The following SHANK1 variants were observed in gnomAD, a reference collection of about 807,000 sequenced individuals.
The protein encoded by SHANK1 is SH3 and multiple ankyrin repeat domains 1.
SHANK1 carries 35 observed loss-of-function variants against 165.6 expected under a neutral mutation model. The observed-to-expected ratio is 0.21, with a 90% CI of 0.16 to 0.28. The LOEUF is 0.28. Among genes scored for constraint, SHANK1 ranks in the 10% least tolerant of loss-of-function variants. The pLI is 1.00. For missense variants in SHANK1, 2,681 were observed against 3,036.4 expected (o/e 0.88, Z 2.75); for synonymous variants, 1,428 against 1,384.8 (o/e 1.03, Z -0.69).
intron 8 of SHANK1, among the ~76,000 whole-genome samples, chr19:50,707,481 TC>T (rs1202728420): frequency 6.6e-6 from 1 of 152,096 alleles, no homozygotes; most frequent in East Asian, 1.9e-4. Context: ...CAGGACAGGT[TC>T]AGAGAGGGCA....
intron 6 of SHANK1, 30 bp from the exon 7 acceptor site, chr19:50,712,144 A>G: frequency 1.3e-6 from 2 of 1,549,822 alleles, no homozygotes; most frequent in Non-Finnish European, 1.7e-6. Context: ...CCAGTAGAAA[A>G]ACACAGATGA....
At position 50,661,969 on chromosome 19, in the gene SHANK1, C is replaced by T; in HGVS notation, c.6482G>A (p.Arg2161Lys). Residue 2161 changes from arginine (R) to lysine (K), a missense_variant, in exon 24 of 24, where the codon AGG becomes AAG. Transcript: ENST00000293441. ...CTGGTCCGTCCAGGCCAGCCATCACCTCTCCAGGAAGAATTTGAGAGCCCG... is the reference window on the plus strand; with the variant it reads ...CTGGTCCGTCCAGGCCAGCCATCACTTCTCCAGGAAGAATTTGAGAGCCCG... ...IDRALKFFLE[R>K] 6.2e-7 allele frequency: 1 copy of T among 1,614,008 alleles called. No individual in the cohort carries two copies. Among genetic ancestry groups the T allele is most frequent in the Non-Finnish European group, 8.5e-7 (1 of 1,180,022 alleles).
At chr19:50,707,021 G>A (rs2088946776) in intron 8 of SHANK1, among the ~76,000 whole-genome samples, 1 of 152,120 alleles carries the variant, frequency 6.6e-6, no homozygotes, top group South Asian at 2.1e-4. Flanking sequence ...CAGGTGATCC[G>A]CCTGCCTTGG....
At chr19:50,671,395 G>A (rs1985788065) in intron 22 of SHANK1, among the ~76,000 whole-genome samples, 1 of 150,258 alleles carries the variant, frequency 6.7e-6, no homozygotes, top group East Asian at 2.0e-4. Context: ...ATGTTAACCA[G>A]GATGGTCTCG....
In SHANK1 at chr19:50,666,456, C is replaced by T. The variant is rs534586899; in HGVS notation, c.5504G>A (p.Arg1835Gln). The T allele has an allele frequency of 1.7e-5, 27 of 1,607,446 alleles. No homozygotes were observed. The highest frequency in any genetic ancestry group is 4.5e-5 in the East Asian group (2 of 44,742). The change falls in exon 23 of 24, where the codon CGG (arginine) becomes CAG (glutamine). Residue 1835 changes from arginine (R) to glutamine (Q), a missense_variant. Arg to Gln is a conservative substitution (Grantham distance 43). Transcript: ENST00000293441. ...VPLPTASSLP[R>Q]KLLPWEEGPG... ...GCCCTCCTCCCAGGGCAGCAGCTTC[C>T]GGGGCAGAGAGGAGGCCGTCGGCAA...
intron 8 of SHANK1, among the ~76,000 whole-genome samples, chr19:50,708,664 T>C (rs555303212): frequency 2.0e-5 from 3 of 152,282 alleles, no homozygotes; most frequent in African/African-American, 4.8e-5. Context: ...CATTCATTCA[T>C]TGGTTGAGTC....
At chr19:50,719,337 C>G (rs2089107460) in intron 1 of SHANK1, 69 bp downstream of exon 1, 2 of 151,800 alleles carry the variant, frequency 1.3e-5, no homozygotes, top group South Asian at 4.2e-4. Flanking sequence ...ACATCCGGGG[C>G]GCCCTCGCCC....
At position 50,667,498 on chromosome 19, in the gene SHANK1, G is replaced by A. The variant is rs1985583461; in HGVS notation, c.4462C>T (p.Leu1488=). ...TCAAGGAACCGCACGTGCAGCGGCA[G>A]CCGCTCGGGTTCTTCGGGGGCTGCG... ...RSAAPEEPER[L]PLHVRFLENC... is the part of the protein sequence containing the mutation. The change falls in exon 23 of 24, where the codon CTG becomes TTG. Residue 1488 remains leucine (L), a synonymous_variant. Coordinates refer to ENST00000293441, the MANE Select transcript of SHANK1 (RefSeq NM_016148.5). This position sits in a 1 kb window ranked among gnomAD's most constrained non-coding sequence, Gnocchi z 5.7. The A allele has an allele frequency of 6.5e-7, 1 of 1,526,932 alleles. No individual in the cohort carries two copies. Among genetic ancestry groups the A allele is most frequent in the Admixed American group, 2.1e-5 (1 of 46,912 alleles). The allele number at this position is 1,526,932 out of a possible 1,614,324, so 94.6% of individuals were successfully genotyped here.
At chr19:50,693,405 C>T (rs1339194565) in intron 15 of SHANK1, among the ~76,000 whole-genome samples, 1 of 151,034 alleles carries the variant, frequency 6.6e-6, no homozygotes, top group African/African-American at 2.4e-5. Flanking sequence ...GCTGCCCCTG[C>T]AGCACCCCAT....
chr19:50,683,304 G>A (rs1024500197), intron 21 of SHANK1, among the ~76,000 whole-genome samples: 6 of 152,262 alleles, frequency 3.9e-5, no homozygotes, highest in South Asian at 2.1e-4. Flanking sequence ...AAAGAATTAC[G>A]CAGCTCCAAA....
chr19:50,666,105 CCTTT>C, intron 23 of SHANK1, 83 bp downstream of exon 23: 1 of 1,322,348 alleles, frequency 7.6e-7, no homozygotes. Context: ...GTTTCTGTTT[CCTTT>C]CTGCCACCCT....
chr19:50,687,326 C>T (rs555026891), intron 19 of SHANK1, among the ~76,000 whole-genome samples: 6 of 151,962 alleles, frequency 3.9e-5, no homozygotes, highest in Admixed American at 6.6e-5. Context: ...GACAGAGAGA[C>T]CCGCAGAGAG....
chr19:50,685,003 GAGATCCA>G (rs1986288777), intron 21 of SHANK1, among the ~76,000 whole-genome samples: 2 of 152,228 alleles, frequency 1.3e-5, no homozygotes, highest in African/African-American at 4.8e-5. Flanking sequence ...GCCTGCCAAA[GAGATCCA>G]TGACCCCCTA....
intron 5 of SHANK1, 90 bp from the exon 6 acceptor site, chr19:50,714,039 C>A: frequency 6.4e-7 from 1 of 1,562,818 alleles, no homozygotes; most frequent in Non-Finnish European, 8.7e-7. Flanking sequence ...CTCCACCCCA[C>A]AGCCTCTGGC....
rs1239431151 is a variant in SHANK1, at chr19:50,659,406, C to G, written c.*2559G>C. 3.3e-6 allele frequency: 1 copy of G among 303,986 alleles called. No homozygotes were observed. Among genetic ancestry groups the G allele is most frequent in the South Asian group, 1.6e-4 (1 of 6,406 alleles). 18.8% of individuals were successfully genotyped at this position (303,986 alleles called of 1,614,324 possible). On this transcript the variant is annotated 3_prime_UTR_variant, in exon 24 of 24. Coordinates refer to ENST00000293441, the MANE Select transcript of SHANK1 (RefSeq NM_016148.5). ...GTTATAATCCCGCGTCCCTAATCTT[C>G]CTCCAGTCCCTGTACGTGGACGCCT...
chr19:50,668,288 G>C lies in SHANK1; in HGVS notation c.3672C>G (p.Ala1224=). The part of the protein sequence containing the change: ...VPTPASPSGP[A]TLDFTSQFGA... ...CGAACTGGCTCGTGAAGTCCAGCGTGGCCGGGCCGCTGGGCGAGGCGGGGG... is the reference window on the plus strand; with the variant it reads ...CGAACTGGCTCGTGAAGTCCAGCGTCGCCGGGCCGCTGGGCGAGGCGGGGG... The change falls in exon 23 of 24, where the codon GCC becomes GCG. Residue 1224 remains alanine, a synonymous_variant. Coordinates refer to ENST00000293441, the MANE Select transcript of SHANK1 (RefSeq NM_016148.5). 1 of 1,317,826 alleles carries C rather than the reference G, an allele frequency of 7.6e-7. No individual in the cohort carries two copies. The highest frequency in any genetic ancestry group is 9.6e-7 in the Non-Finnish European group (1 of 1,040,752). 81.6% of individuals were successfully genotyped at this position (1,317,826 alleles called of 1,614,324 possible).
At position 50,668,941 on chromosome 19, in the gene SHANK1, GGT is replaced by G; in HGVS notation, c.3017_3018del (p.His1006ProfsTer161). On this transcript the variant is annotated frameshift_variant, in exon 23 of 24. Transcript: ENST00000293441. LOFTEE classifies it high-confidence loss of function. Reference sequence around the variant, plus strand: ...TGGTGGGGCTGAGGGGGCGGGGCGTGGTGGTGGTGGTGGTGGGGCGGGTGGTG... The same window carrying G: ...TGGTGGGGCTGAGGGGGCGGGGCGTGGGTGGTGGTGGTGGGGCGGGTGGTG... Reference protein sequence around the residue: ...AHHHPPHHHHHHAPPPQPHHH... With the variant: ...AHHHPPHHHHXHAPPPQPHHH... 4.3e-6 allele frequency: 2 copies of G among 463,320 alleles called. No homozygotes were observed. The highest frequency in any genetic ancestry group is 3.8e-5 in the South Asian group (1 of 26,222). The allele number at this position is 463,320 out of a possible 1,614,324, so 28.7% of individuals were successfully genotyped here. A position where few individuals can be genotyped will look rare whatever the true frequency, so the allele number is the denominator to read the frequency against.
In SHANK1 at chr19:50,688,004, G is replaced by A. The variant is rs751389807; in HGVS notation, c.2227C>T (p.Arg743Cys). Residue 743 changes from arginine (R) to cysteine (C), a missense_variant, in exon 18 of 24, where the codon CGC (arginine) becomes TGC (cysteine). By Grantham distance (180) the Arg-to-Cys change is radical. Coordinates refer to ENST00000293441, the MANE Select transcript of SHANK1 (RefSeq NM_016148.5). This position sits in a 1 kb window ranked among gnomAD's most constrained non-coding sequence, Gnocchi z 6.7. The part of the protein sequence containing the change: ...VGHRQVVNMI[R>C]QGGNTLMVKV... Reference sequence around the variant, plus strand: ...ACCATCAGCGTGTTGCCCCCTTGGCGGATCATGTTCACCACCTGTCGGTGG... The same window carrying A: ...ACCATCAGCGTGTTGCCCCCTTGGCAGATCATGTTCACCACCTGTCGGTGG... The A allele has an allele frequency of 6.8e-6, 11 of 1,614,006 alleles. No individual in the cohort carries two copies. The highest frequency in any genetic ancestry group is 2.7e-5 in the African/African-American group (2 of 74,920).
intron 21 of SHANK1, among the ~76,000 whole-genome samples, chr19:50,685,668 GAGCCAAGC>G (rs1356483505): frequency 6.6e-6 from 1 of 152,152 alleles, no homozygotes; most frequent in Non-Finnish European, 1.5e-5. Context: ...AGGTTGCAGT[GAGCCAAGC>G]TTGCCCCACT....
Sources: gnomAD v4.1 joint callset for allele counts (sites outside exome capture counted in the v4.1 genomes callset) on GRCh38, gnomAD v4.1.1 for gene constraint, Gnocchi (gnomAD v3.1) non-coding constraint, MANE v1.5 for transcripts, NCBI Gene and HGNC (gene_info 2026-07-23, HGNC 2026-07-21) for gene names.